ERH: variants seen among roughly 807,000 people sequenced by gnomAD.
ERH encodes the protein enhancer of rudimentary homolog.
In ERH, 1 loss-of-function variant was observed where a neutral mutation model predicts 16.8. The observed-to-expected ratio is 0.06, with a 90% confidence interval of 0.02 to 0.28. The LOEUF is 0.28. Among genes scored for constraint, ERH ranks in the 10% least tolerant of loss-of-function variants. The probability of loss-of-function intolerance (pLI) is 1.00; values close to 1 mark genes in which losing one functional copy is unlikely to be tolerated. For missense variants in ERH, 42 were observed against 127.5 expected (o/e 0.33, Z 3.23); for synonymous variants, 43 against 43.6 (o/e 0.99, Z 0.05).
In ERH at chr14:69,384,722, C is replaced by T. The variant is rs188206647; in HGVS notation, c.212+2241G>A. Among the ~76,000 whole-genome samples, 322 of 152,192 alleles carry T rather than the reference C, an allele frequency of 2.1e-3. 2 individuals are homozygous for T. The highest frequency in any genetic ancestry group is 8.7e-3 in the Admixed American group (133 of 15,292). ...ATTCCTCAAATAACAACACAAGTGA[C>T]GTGCATTTATATAACCAATATTTAC... On this transcript the variant is annotated intron_variant, in intron 3 of 3. Coordinates refer to ENST00000557016, the MANE Select transcript of ERH (RefSeq NM_004450.3).
rs1264484924 is a variant in ERH, at chr14:69,394,820, C to T, written c.91+5G>A. On this transcript the variant is annotated splice_donor_5th_base_variant and intron_variant, in intron 2 of 3. Coordinates refer to ENST00000557016, the MANE Select transcript of ERH (RefSeq NM_004450.3). The stretch of plus-strand genomic sequence containing the variant: ...TTTCTACCCCTTGATTAGTGTTAAA[C>T]TCACCTTCCATGCATTCATTCACAG... 7 of 1,607,056 alleles carry T rather than the reference C, an allele frequency of 4.4e-6. No homozygotes were observed. Among genetic ancestry groups the T allele is most frequent in the Admixed American group, 3.4e-5 (2 of 59,656 alleles).
At chr14:69,383,273 G>C (rs1011502642) in intron 3 of ERH, among the ~76,000 whole-genome samples, 3 of 152,190 alleles carry the variant, frequency 2.0e-5, no homozygotes, top group African/African-American at 7.2e-5. Flanking sequence ...TCTGGGTTTA[G>C]TCATGTTACA....
chr14:69,381,142 A>G (rs2045861092), intron 3 of ERH, among the ~76,000 whole-genome samples: 1 of 152,154 alleles, frequency 6.6e-6, no homozygotes, highest in Non-Finnish European at 1.5e-5. Flanking sequence ...TTAGCTGGGC[A>G]TGGTGGTGCA....
chr14:69,397,966 C>T (rs1215216102), intron 1 of ERH: 7 of 592,170 alleles, frequency 1.2e-5, no homozygotes, highest in African/African-American at 9.4e-5. Context: ...GAGTAACAAT[C>T]GGGAGAGAGT....
chr14:69,395,028 G>A, intron 1 of ERH, 116 bp from the exon 2 acceptor site: 1 of 741,654 alleles, frequency 1.3e-6, no homozygotes, highest in East Asian at 2.7e-5. Flanking sequence ...AATGTAATTA[G>A]AGAGGCCAGG....
intron 2 of ERH, among the ~76,000 whole-genome samples, chr14:69,392,883 C>T (rs1318135120): frequency 1.3e-5 from 2 of 152,080 alleles, no homozygotes; most frequent in African/African-American, 4.8e-5. Context: ...AATCAAAGAC[C>T]AAACATGATA....
Position 69,398,272 on chromosome 14 carries a change from G to C in ERH, c.-39C>G. ...CTTCGCTACAGCAGCTGCCGACACC[G>C]CCGCCGTTACACGAGCTTAACTACA... is the stretch of plus-strand genomic sequence containing the variant. On this transcript the variant is annotated 5_prime_UTR_variant, in exon 1 of 4. Coordinates refer to ENST00000557016, the MANE Select transcript of ERH (RefSeq NM_004450.3). The C allele has an allele frequency of 1.2e-6, 2 of 1,613,184 alleles. No homozygotes were observed. The highest frequency in any genetic ancestry group is 2.2e-5 in the East Asian group (1 of 44,842).
At chr14:69,390,373 A>G (rs1353695558) in intron 2 of ERH, among the ~76,000 whole-genome samples, 1 of 152,230 alleles carries the variant, frequency 6.6e-6, no homozygotes, top group Non-Finnish European at 1.5e-5. Context: ...ATCTACATCA[A>G]TGGAACAGAA....
chr14:69,391,609 C>T (rs1173381896), intron 2 of ERH, among the ~76,000 whole-genome samples: 1 of 126,666 alleles, frequency 7.9e-6, no homozygotes, highest in African/African-American at 3.1e-5. Flanking sequence ...GATTACGTCA[C>T]AGCATTCCAG....
intron 3 of ERH, among the ~76,000 whole-genome samples, chr14:69,383,624 C>T (rs2045875524): frequency 6.6e-6 from 1 of 152,104 alleles, no homozygotes; most frequent in African/African-American, 2.4e-5. Context: ...TAGAAACAAA[C>T]AAATAGTTAC....
At chr14:69,388,701 C>G (rs1267309039) in intron 2 of ERH, among the ~76,000 whole-genome samples, 1 of 152,154 alleles carries the variant, frequency 6.6e-6, no homozygotes, top group Admixed American at 6.6e-5. Context: ...GGAGAATACA[C>G]CTTTTCAGTC....
chr14:69,381,774 T>C (rs1482814657), intron 3 of ERH, among the ~76,000 whole-genome samples: 3 of 152,140 alleles, frequency 2.0e-5, no homozygotes. Context: ...CTGCAACCTC[T>C]GCCACCTGGG....
At chr14:69,396,995 A>T (rs1033249397) in intron 1 of ERH, among the ~76,000 whole-genome samples, 1 of 151,290 alleles carries the variant, frequency 6.6e-6, no homozygotes, top group Non-Finnish European at 1.5e-5. Flanking sequence ...CTGCTACTAT[A>T]ATAATTGTAT....
At chr14:69,396,119 A>G (rs1404454022) in intron 1 of ERH, among the ~76,000 whole-genome samples, 10 of 152,258 alleles carry the variant, frequency 6.6e-5, no homozygotes, top group Admixed American at 6.5e-4. Context: ...GGTTAATTAA[A>G]TGCAAGTATG....
intron 3 of ERH, among the ~76,000 whole-genome samples, chr14:69,384,982 CA>C (rs1272286841): frequency 6.6e-6 from 1 of 152,164 alleles, no homozygotes; most frequent in Non-Finnish European, 1.5e-5. Context: ...TTCCTAATTT[CA>C]AGCATGTCAT....
chr14:69,387,038 T>C lies in ERH; in HGVS notation c.137A>G (p.Asn46Ser). The change falls in exon 3 of 4, where the codon AAC becomes AGC. Residue 46 changes from asparagine to serine, a missense_variant. Asn to Ser is a conservative substitution (Grantham distance 46). Coordinates refer to ENST00000557016, the MANE Select transcript of ERH (RefSeq NM_004450.3). Reference protein sequence around the residue: ...YEEHLKRMNPNSPSITYDISQ... With the variant: ...YEEHLKRMNPSSPSITYDISQ... ...GATGTCATATGTGATAGAGGGACTG[T>C]TGGGATTCATTCTTTTCAGATGTTC... 1.2e-6 allele frequency: 2 copies of C among 1,613,838 alleles called. No individual in the cohort carries two copies. The highest frequency in any genetic ancestry group is 1.7e-6 in the Non-Finnish European group (2 of 1,179,766).
At chr14:69,390,367 A>G (rs2045917388) in intron 2 of ERH, among the ~76,000 whole-genome samples, 1 of 152,254 alleles carries the variant, frequency 6.6e-6, no homozygotes, top group Non-Finnish European at 1.5e-5. Context: ...ATAGGTATCT[A>G]CATCAATGGA....
At chr14:69,380,822 AC>A in intron 3 of ERH, among the ~76,000 whole-genome samples, 182 bp from the exon 4 acceptor site, 1 of 152,322 alleles carries the variant, frequency 6.6e-6, no homozygotes, top group South Asian at 2.1e-4. Flanking sequence ...ACTTTATATC[AC>A]CTAGTACAAT....
At chr14:69,393,678 G>A (rs117215663) in intron 2 of ERH, among the ~76,000 whole-genome samples, 23 of 152,266 alleles carry the variant, frequency 1.5e-4, no homozygotes, top group South Asian at 2.1e-4. Flanking sequence ...AATGGTGAGG[G>A]ATGAAAAATC....
Sources: allele counts gnomAD v4.1 joint callset (sites outside exome capture counted in the v4.1 genomes callset), GRCh38; gene constraint gnomAD v4.1.1; transcripts MANE v1.5; gene names NCBI Gene and HGNC (gene_info 2026-07-23, HGNC 2026-07-21).